ATP7A: variants seen among roughly 807,000 people sequenced by gnomAD.
ATP7A encodes ATPase copper transporting alpha, also known as copper-transporting ATPase 1.
A neutral mutation model predicts 83.5 loss-of-function variants in ATP7A; 7 were observed. The ratio of observed to expected loss-of-function variants is 0.08; its 90% CI spans 0.05 to 0.16. ATP7A has a LOEUF of 0.16. Ranked by LOEUF, ATP7A falls within the 10% of genes least tolerant of loss-of-function variation. The pLI, the probability that ATP7A is intolerant of heterozygous loss-of-function variation, is 1.00. For missense variants in ATP7A, 940 were observed against 1,120.8 expected, an observed-to-expected ratio of 0.84 and a Z score of 2.30; for synonymous variants, 354 against 395.2, an observed-to-expected ratio of 0.90 and a Z score of 1.24.
intron 1 of ATP7A, among the ~76,000 whole-genome samples, chrX:77,920,532 A>C (rs1285265002): frequency 4.5e-5 from 5 of 111,158 alleles, no homozygotes; most frequent in Non-Finnish European, 9.4e-5. Context: ...CCCATTGTTT[A>C]GCTACCACTT....
chrX:77,936,707 A>C (rs1412823202), intron 1 of ATP7A, among the ~76,000 whole-genome samples: 2 of 112,819 alleles, frequency 1.8e-5, no homozygotes, highest in African/African-American at 6.4e-5. Flanking sequence ...ATAATCCATA[A>C]ATGAAAAAAT....
At chrX:78,027,987 T>C (rs2077957291) in intron 14 of ATP7A, among the ~76,000 whole-genome samples, 1 of 107,096 alleles carries the variant, frequency 9.3e-6, no homozygotes, top group South Asian at 4.0e-4. Flanking sequence ...TTGGGAAGTT[T>C]TTTTGGTATT....
chrX:78,010,683 G>C (rs1368959791), intron 7 of ATP7A, among the ~76,000 whole-genome samples: 1 of 100,505 alleles, frequency 9.9e-6, no homozygotes, highest in African/African-American at 3.7e-5. Context: ...GGGTTCAAGC[G>C]ATTCTCCTGT....
In ATP7A at chrX:78,015,884, A is replaced by G; in HGVS notation, c.2626+3A>G. ...GGTAGATGAGTCCCTCATCACAGGT[A>G]TGTTCTTTCAAAGGATCATGACCAA... On this transcript the variant is annotated splice_donor_region_variant and intron_variant, in intron 12 of 22. Transcript: ENST00000341514. The G allele has an allele frequency of 8.3e-7, 1 of 1,211,296 alleles. No homozygotes were observed. Among genetic ancestry groups the G allele is most frequent in the Non-Finnish European group, 1.1e-6 (1 of 895,172 alleles).
intron 6 of ATP7A, among the ~76,000 whole-genome samples, chrX:78,006,567 C>T (rs1358154841): frequency 9.0e-6 from 1 of 111,690 alleles, no homozygotes. Flanking sequence ...GTGCAACTAT[C>T]ACTACTATCT....
At position 77,953,324 on chromosome X, in the gene ATP7A, T is replaced by A. The variant is rs1472592336; in HGVS notation, c.-21-18297T>A. ...ATATTTTTATATTCGGGGGTACATG[T>A]GCTTGTTTGTTACATGGGTATTACA... On this transcript the variant is annotated intron_variant, in intron 1 of 22. Coordinates refer to ENST00000341514, the MANE Select transcript of ATP7A (RefSeq NM_000052.7). 4.5e-5 allele frequency among the ~76,000 whole-genome samples: 5 copies of A among 111,779 alleles called. No homozygotes were observed. In the Admixed American group the frequency reaches 4.8e-4, roughly 11 times the overall value.
intron 1 of ATP7A, among the ~76,000 whole-genome samples, chrX:77,935,374 A>T (rs2077314948): frequency 8.9e-6 from 1 of 112,238 alleles, no homozygotes; most frequent in Non-Finnish European, 1.9e-5. Context: ...TTAAGGAGAC[A>T]AGTGACAGGC....
rs111544036 is a variant in ATP7A, at chrX:78,002,918, G to T, written c.1544-155G>T. Among the ~76,000 whole-genome samples, 919 of 110,334 alleles carry T rather than the reference G, an allele frequency of 8.3e-3. 13 individuals are homozygous for T. Among genetic ancestry groups the T allele is most frequent in the African/African-American group, 0.029 (880 of 30,346 alleles). On this transcript the variant is annotated intron_variant, in intron 5 of 22. Transcript: ENST00000341514. ...TTTGGAATAGTTCTAATTGTTTGGGGTCAAGACTGGTATAAAAGTTAAATT... is the reference window on the plus strand; with the variant it reads ...TTTGGAATAGTTCTAATTGTTTGGGTTCAAGACTGGTATAAAAGTTAAATT...
At chrX:77,990,029 A>T (rs1308695517) in intron 4 of ATP7A, 71 bp downstream of exon 4, 1 of 1,167,890 alleles carries the variant, frequency 8.6e-7, no homozygotes, top group African/African-American at 1.8e-5. Flanking sequence ...TTTGGCATTT[A>T]TCAATGAGAA....
chrX:78,022,943 C>T (rs1167512405), intron 14 of ATP7A, among the ~76,000 whole-genome samples: 2 of 111,568 alleles, frequency 1.8e-5, no homozygotes, highest in Non-Finnish European at 3.8e-5. Context: ...GCCCCCCTCC[C>T]TTCTTCTCAC....
At chrX:77,980,174 A>G (rs1325398584) in intron 2 of ATP7A, among the ~76,000 whole-genome samples, 3 of 112,418 alleles carry the variant, frequency 2.7e-5, no homozygotes, top group African/African-American at 9.7e-5. Context: ...GATAAAGGCT[A>G]TAGTCCATTC....
At chrX:78,008,993 G>A in intron 6 of ATP7A, 109 bp from the exon 7 acceptor site, 1 of 867,075 alleles carries the variant, frequency 1.2e-6, no homozygotes, top group Non-Finnish European at 1.6e-6. Flanking sequence ...TCCAGCCTGG[G>A]CGACAGAGCG....
chrX:77,996,418 A>G (rs181237932), intron 4 of ATP7A, among the ~76,000 whole-genome samples: 135 of 112,189 alleles, frequency 1.2e-3, no homozygotes, highest in African/African-American at 4.2e-3. Context: ...AGGAAAATCA[A>G]TTTTCCTTTG....
Position 78,020,995 on chromosome X carries a change from T to G in ATP7A, c.2832T>G (p.Phe944Leu). Residue 944 changes from phenylalanine (F) to leucine (L), a missense_variant, in exon 14 of 23, where the codon TTT becomes TTG. Phe to Leu is a conservative substitution (Grantham distance 22). This residue lies in a region of ATP7A where 386 missense variants were observed against 502.2 expected (regional missense o/e 0.77). Coordinates refer to ENST00000341514, the MANE Select transcript of ATP7A (RefSeq NM_000052.7). Reference protein sequence around the residue: ...ADKLSGYFVPFIVFVSIATLL... With the variant: ...ADKLSGYFVPLIVFVSIATLL... Reference sequence around the variant, plus strand: ...AACTCAGTGGCTATTTTGTTCCTTTTATTGTTTTTGTTTCCATTGCCACCC... The same window carrying G: ...AACTCAGTGGCTATTTTGTTCCTTTGATTGTTTTTGTTTCCATTGCCACCC... The G allele has an allele frequency of 8.3e-7, 1 of 1,207,626 alleles. No homozygotes were observed. Among genetic ancestry groups the G allele is most frequent in the Middle Eastern group, 2.3e-4 (1 of 4,349 alleles).
chrX:77,989,616 A>G lies in ATP7A; in HGVS notation c.994A>G (p.Arg332Gly), dbSNP rs1557231836. 1 of 1,212,074 alleles carries G rather than the reference A, an allele frequency of 8.3e-7. No homozygotes were observed. The highest frequency in any genetic ancestry group is 1.8e-5 in the South Asian group (1 of 57,027). ...NASSVTPESL[R>G]KAIEAVSPGL... ...AAGCTCAGTCACTCCAGAATCCCTG[A>G]GAAAAGCAATAGAGGCTGTATCACC... The change falls in exon 4 of 23, where the codon AGA (arginine) becomes GGA (glycine). Residue 332 changes from arginine to glycine, a missense_variant. Coordinates refer to ENST00000341514, the MANE Select transcript of ATP7A (RefSeq NM_000052.7).
At chrX:77,956,787 C>CTTTCTTTCTTTCTCTT (rs782692681) in intron 1 of ATP7A, among the ~76,000 whole-genome samples, 1 of 53,777 alleles carries the variant, frequency 1.9e-5, no homozygotes, top group Non-Finnish European at 3.7e-5. Flanking sequence ...TTCTTTCTTT[C>CTTTCTTTCTTTCTCTT]TCTTTCTTTC....
At position 78,048,466 on chromosome X, in the gene ATP7A, G is replaced by C. The variant is rs781988316; in HGVS notation, c.*1896G>C. ...TAGAGCAGAGTCTTAAAATCAGGTGGGGGTAGGGGATGGAGTTCTTCCTTT... is the reference window on the plus strand; with the variant it reads ...TAGAGCAGAGTCTTAAAATCAGGTGCGGGTAGGGGATGGAGTTCTTCCTTT... On this transcript the variant is annotated 3_prime_UTR_variant, in exon 23 of 23. Coordinates refer to ENST00000341514, the MANE Select transcript of ATP7A (RefSeq NM_000052.7). The C allele has an allele frequency of 8.9e-5, 10 of 111,810 alleles. No individual in the cohort carries two copies. Among genetic ancestry groups the C allele is most frequent in the East Asian group, 5.6e-4 (2 of 3,551 alleles). 9.2% of individuals were successfully genotyped at this position (111,810 alleles called of 1,213,427 possible).
intron 6 of ATP7A, among the ~76,000 whole-genome samples, chrX:78,006,395 A>G (rs782745172): frequency 8.9e-6 from 1 of 112,508 alleles, no homozygotes; most frequent in Non-Finnish European, 1.9e-5. Context: ...TTATGATACA[A>G]TCATATCATG....
At chrX:77,947,007 T>C (rs1164339785) in intron 1 of ATP7A, among the ~76,000 whole-genome samples, 2 of 111,898 alleles carry the variant, frequency 1.8e-5, no homozygotes, top group Non-Finnish European at 3.8e-5. Flanking sequence ...GCAGCCCAAA[T>C]GTCCATCAAC....
Sources: gnomAD v4.1 joint callset for allele counts (sites outside exome capture counted in the v4.1 genomes callset) on GRCh38, gnomAD v4.1.1 for gene constraint, gnomAD v4.1.1 regional missense constraint, MANE v1.5 for transcripts, NCBI Gene and HGNC (gene_info 2026-07-23, HGNC 2026-07-21) for gene names.